The following SFMBT1 variants were observed in gnomAD, a reference collection of about 807,000 sequenced individuals.
SFMBT1 encodes Scm like with four mbt domains 1.
Under a neutral mutation model 108.7 loss-of-function variants are expected in SFMBT1, and 32 were observed. That is an observed-to-expected ratio of 0.29 (90% CI 0.22 to 0.40). SFMBT1 has a LOEUF of 0.40. SFMBT1 is among the 10% of genes least tolerant of loss of function. The pLI, the probability that SFMBT1 is intolerant of heterozygous loss-of-function variation, is 1.00. For missense variants in SFMBT1, 816 were observed against 1,059.6 expected (o/e 0.77, Z 3.19); for synonymous variants, 348 against 369.5 (o/e 0.94, Z 0.67).
chr3:52,944,951 G>A, intron 3 of SFMBT1, among the ~76,000 whole-genome samples: 1 of 151,518 alleles, frequency 6.6e-6, no homozygotes. Flanking sequence ...CCCCAGATGT[G>A]CGCCACCATG....
chr3:52,986,733 G>A (rs970318476), intron 1 of SFMBT1, among the ~76,000 whole-genome samples: 3 of 143,744 alleles, frequency 2.1e-5, no homozygotes, highest in Non-Finnish European at 3.0e-5. Flanking sequence ...CCGAGATCGC[G>A]CCACTGCACT....
In SFMBT1 at chr3:53,000,087, T is replaced by C. The variant is rs896195564; in HGVS notation, c.-130-30829A>G. On this transcript the variant is annotated intron_variant, in intron 1 of 20. Transcript: ENST00000394752. ...CCGTGTTAGCCAGGATGGTCTTGAT[T>C]TCCTGACCTCGTGATCCGCCCACCC... Among the ~76,000 whole-genome samples, 68 of 149,842 alleles carry C rather than the reference T, an allele frequency of 4.5e-4. 5 individuals carry two copies. The highest frequency in any genetic ancestry group is 1.0e-3 in the African/African-American group (42 of 41,326).
At chr3:52,942,779 T>A (rs539587158) in intron 4 of SFMBT1, among the ~76,000 whole-genome samples, 46 of 152,350 alleles carry the variant, frequency 3.0e-4, no homozygotes, top group African/African-American at 1.1e-3. Context: ...CCTCCCAAAG[T>A]GGTGCCATTA....
rs1049280711 is a variant in SFMBT1 at position 52,912,628 on chromosome 3, T to C, written c.1640A>G (p.Asn547Ser). Reference sequence around the variant, plus strand: ...GACACGGCTGGGTTTGTAGGCTGCATTGATAAGTAAAGTGAGGACCTGAGC... The same window carrying C: ...GACACGGCTGGGTTTGTAGGCTGCACTGATAAGTAAAGTGAGGACCTGAGC... ...VLREVLTLLI[N>S]AAYKPSRVLR... Residue 547 changes from asparagine (N) to serine (S), a missense_variant, in exon 16 of 21, where the codon AAT becomes AGT. Physicochemically the swap from Asn to Ser is conservative, Grantham distance 46 (BLOSUM62 1). Transcript: ENST00000394752. The C allele has an allele frequency of 1.2e-5, 19 of 1,613,860 alleles. No homozygotes were observed. Among genetic ancestry groups the C allele is most frequent in the Admixed American group, 5.0e-5 (3 of 60,006 alleles).
intron 5 of SFMBT1, among the ~76,000 whole-genome samples, chr3:52,932,775 G>A (rs939310754): frequency 1.3e-5 from 2 of 152,120 alleles, no homozygotes; most frequent in African/African-American, 2.4e-5. Context: ...GTCGGGCATG[G>A]TGGTAGGCAC....
At chr3:53,022,449 CAAAAA>C (rs34744052) in intron 1 of SFMBT1, among the ~76,000 whole-genome samples, 1 of 40,628 alleles carries the variant, frequency 2.5e-5, no homozygotes, top group African/African-American at 6.9e-5. Context: ...GGTGCTGTCT[CAAAAA>C]AAAAAAAAAA....
At chr3:53,011,017 G>A (rs563415151) in intron 1 of SFMBT1, among the ~76,000 whole-genome samples, 103 of 152,240 alleles carry the variant, frequency 6.8e-4, no homozygotes, top group African/African-American at 2.4e-3. Flanking sequence ...TACTTCCCAG[G>A]GGATGATGGG....
chr3:52,956,590 C>G (rs1430630633), intron 2 of SFMBT1, among the ~76,000 whole-genome samples: 1 of 152,034 alleles, frequency 6.6e-6, no homozygotes, highest in African/African-American at 2.4e-5. Flanking sequence ...GAAATCCCAT[C>G]TCTACCAAAA....
chr3:53,018,940 T>C (rs1699211060), intron 1 of SFMBT1: 1 of 152,454 alleles, frequency 6.6e-6, no homozygotes, highest in East Asian at 1.9e-4. Context: ...TGGTGCTGTG[T>C]TCTCTTCTTT....
intron 20 of SFMBT1, among the ~76,000 whole-genome samples, chr3:52,905,720 T>C (rs1702049372): frequency 6.6e-6 from 1 of 152,224 alleles, no homozygotes. Flanking sequence ...AAAACTTATT[T>C]CAATGTTTAA....
intron 1 of SFMBT1, among the ~76,000 whole-genome samples, chr3:52,986,463 A>G (rs929240181): frequency 2.6e-5 from 4 of 152,156 alleles, no homozygotes; most frequent in African/African-American, 9.7e-5. Context: ...AACACTGTAT[A>G]GCTGTACAAA....
At chr3:53,028,720 T>C (rs1699578576) in intron 1 of SFMBT1, among the ~76,000 whole-genome samples, 1 of 152,000 alleles carries the variant, frequency 6.6e-6, no homozygotes, top group Admixed American at 6.6e-5. Context: ...ACAGAATAAA[T>C]GGCAGAAAGA....
At chr3:52,977,376 T>C (rs781743406) in intron 1 of SFMBT1, among the ~76,000 whole-genome samples, 1 of 151,922 alleles carries the variant, frequency 6.6e-6, no homozygotes, top group Non-Finnish European at 1.5e-5. Flanking sequence ...CCAGGCCTAG[T>C]GGCGGGCGCC....
chr3:53,006,624 G>A (rs1245379631), intron 1 of SFMBT1, among the ~76,000 whole-genome samples: 5 of 131,274 alleles, frequency 3.8e-5, no homozygotes, highest in African/African-American at 7.5e-5. Flanking sequence ...GCAAAACTCC[G>A]TCTCAAAAAA....
chr3:52,912,620 A>G lies in SFMBT1; in HGVS notation c.1648T>C (p.Tyr550His). 2 of 1,614,032 alleles carry G rather than the reference A, an allele frequency of 1.2e-6. No homozygotes were observed. The highest frequency in any genetic ancestry group is 1.7e-6 in the Non-Finnish European group (2 of 1,179,958). The change falls in exon 16 of 21, where the codon TAC becomes CAC. Residue 550 changes from tyrosine to histidine, a missense_variant. Transcript: ENST00000394752. ...EVLTLLINAA[Y>H]KPSRVLRELQ... ...TCCCGAAGGACACGGCTGGGTTTGT[A>G]GGCTGCATTGATAAGTAAAGTGAGG...
At chr3:52,992,100 A>G (rs949306925) in intron 1 of SFMBT1, among the ~76,000 whole-genome samples, 3 of 152,218 alleles carry the variant, frequency 2.0e-5, no homozygotes, top group Non-Finnish European at 2.9e-5. Context: ...AACCTGCTGC[A>G]AAGTCCCTAT....
At chr3:52,968,134 G>A (rs9823697) in intron 2 of SFMBT1, among the ~76,000 whole-genome samples, 92,008 of 152,004 alleles carry the variant, frequency 0.61, 28,416 homozygotes, top group South Asian at 0.82. Flanking sequence ...GTCAATATAC[G>A]CGAGAGCTTG....
chr3:53,002,012 T>C (rs1698574946), intron 1 of SFMBT1, among the ~76,000 whole-genome samples: 1 of 149,586 alleles, frequency 6.7e-6, no homozygotes, highest in Non-Finnish European at 1.5e-5. Flanking sequence ...CTTTGTTTTC[T>C]ATGGAGTTGT....
chr3:53,014,472 TAAAAAAAACAAAACAAAACA>T lies in SFMBT1; in HGVS notation c.-131+31324_-131+31343del, dbSNP rs1289252079. On this transcript the variant is annotated intron_variant, in intron 1 of 20. Transcript: ENST00000394752. ...GTGACAGAGTGAGAGACCCTGTATTTAAAAAAAACAAAACAAAACAAAACAAAACAAAACAAAACAAAACA... is the reference window on the plus strand; with the variant it reads ...GTGACAGAGTGAGAGACCCTGTATTTAAACAAAACAAAACAAAACAAAACA... Among the ~76,000 whole-genome samples, 241 of 129,174 alleles carry T rather than the reference TAAAAAAAACAAAACAAAACA, an allele frequency of 1.9e-3. 1 individual carries two copies. The highest frequency in any genetic ancestry group is 5.8e-3 in the African/African-American group (208 of 35,976). 84.7% of individuals were successfully genotyped at this position (129,174 alleles called of 152,430 possible). A position where few individuals can be genotyped will look rare whatever the true frequency, so the allele number is the denominator to read the frequency against.
Sources: gnomAD v4.1 joint callset for allele counts (sites outside exome capture counted in the v4.1 genomes callset) on GRCh38, gnomAD v4.1.1 for gene constraint, MANE v1.5 for transcripts, NCBI Gene and HGNC (gene_info 2026-07-23, HGNC 2026-07-21) for gene names.